Variants in MAPK13 observed in about 807,000 individuals in gnomAD.
The protein encoded by MAPK13 is MAP kinase 13.
A neutral mutation model predicts 53.5 loss-of-function variants in MAPK13; 39 were observed. The observed-to-expected ratio is 0.73, with a 90% CI of 0.56 to 0.95. The LOEUF is 0.95. Ranked by LOEUF, MAPK13 falls within the 40% of genes least tolerant of loss-of-function variation. The pLI, the probability that MAPK13 is intolerant of heterozygous loss-of-function variation, is 0.00. For missense variants in MAPK13, 460 were observed against 471.8 expected, an observed-to-expected ratio of 0.98 and a Z score of 0.23; for synonymous variants, 179 against 190.9, an observed-to-expected ratio of 0.94 and a Z score of 0.51.
chr6:36,136,706 C>A lies in MAPK13; in HGVS notation c.546C>A (p.Tyr182Ter). ...ATGCAGACGCCGAGATGACTGGCTA[C>A]GTGGTGACCCGCTGGTACCGAGCCC... ...ARHADAEMTG[Y>*]VVTRWYRAPE... Residue 182 changes from tyrosine to a stop codon, truncating the protein, a stop_gained, in exon 7 of 12, where the codon TAC becomes TAA. Coordinates refer to ENST00000211287, the MANE Select transcript of MAPK13 (RefSeq NM_002754.5). LOFTEE classifies it high-confidence loss of function. The A allele has an allele frequency of 6.2e-7, 1 of 1,614,008 alleles. No homozygotes were observed. Among genetic ancestry groups the A allele is most frequent in the South Asian group, 1.1e-5 (1 of 91,048 alleles).
chr6:36,134,795 C>T (rs1047004077), intron 3 of MAPK13, among the ~76,000 whole-genome samples: 5 of 152,188 alleles, frequency 3.3e-5, no homozygotes, highest in Non-Finnish European at 4.4e-5. Flanking sequence ...AGGCAGATCA[C>T]CTGAGGTCAG....
intron 8 of MAPK13, among the ~76,000 whole-genome samples, chr6:36,137,728 T>C (rs181289081): frequency 8.4e-4 from 126 of 149,754 alleles, no homozygotes; most frequent in African/African-American, 2.6e-3. Flanking sequence ...TGGGAGGCCA[T>C]GGCAGGCGGA....
Position 36,139,318 on chromosome 6 carries a change from A to G in MAPK13, c.1043A>G (p.Asn348Ser), listed in dbSNP as rs1412900333. The G allele has an allele frequency of 6.2e-7, 1 of 1,613,948 alleles. No homozygotes were observed. ...GAGCACATCTACAAGGAGATTGTGAACTTCAGCCCCATTGCCCGGAAGGAC... is the reference window on the plus strand; with the variant it reads ...GAGCACATCTACAAGGAGATTGTGAGCTTCAGCCCCATTGCCCGGAAGGAC... ...WKQHIYKEIVNFSPIARKDSR... is the reference protein window; with the variant it reads ...WKQHIYKEIVSFSPIARKDSR... The change falls in exon 12 of 12, where the codon AAC (asparagine) becomes AGC (serine). Residue 348 changes from asparagine to serine, a missense_variant. Physicochemically the swap from Asn to Ser is conservative, Grantham distance 46 (BLOSUM62 1). Coordinates refer to ENST00000211287, the MANE Select transcript of MAPK13 (RefSeq NM_002754.5).
At position 36,131,186 on chromosome 6, in the gene MAPK13, G is replaced by A. The variant is rs1766312364; in HGVS notation, c.120-85G>A. On this transcript the variant is annotated intron_variant, in intron 1 of 11. Coordinates refer to ENST00000211287, the MANE Select transcript of MAPK13 (RefSeq NM_002754.5). ...GTGGGCCTAGTCCCCTCTCAGCCCA[G>A]CTGCCCAGTGGGAGGGGTCAGGGCG... 2.0e-6 allele frequency: 3 copies of A among 1,496,108 alleles called. No homozygotes were observed. In the African/African-American group the frequency reaches 4.2e-5, roughly 21 times the overall value. 92.7% of individuals were successfully genotyped at this position (1,496,108 alleles called of 1,614,324 possible). A position where few individuals can be genotyped will look rare whatever the true frequency, so the allele number is the denominator to read the frequency against.
chr6:36,138,661 G>C lies in MAPK13; in HGVS notation c.763-41G>C. The C allele has an allele frequency of 1.9e-6, 3 of 1,585,290 alleles. No individual in the cohort carries two copies. The South Asian group carries it at 3.3e-5, about 18-fold the overall frequency. On this transcript the variant is annotated intron_variant, in intron 9 of 11. Transcript: ENST00000211287. ...CTGAAATCCCTGCTCTACACGCTGAGGCCAGAGCCCTAAGGGGTTTGATGC... is the reference window on the plus strand; with the variant it reads ...CTGAAATCCCTGCTCTACACGCTGACGCCAGAGCCCTAAGGGGTTTGATGC...
In MAPK13 at chr6:36,138,765, CG is replaced by C. The variant is rs1561791155; in HGVS notation, c.829del (p.Ala277ProfsTer15). 1.2e-6 allele frequency: 2 copies of C among 1,614,164 alleles called. No individual in the cohort carries two copies. The highest frequency in any genetic ancestry group is 3.3e-5 in the Admixed American group (2 of 60,034). On this transcript the variant is annotated frameshift_variant, in exon 10 of 12. Coordinates refer to ENST00000211287, the MANE Select transcript of MAPK13 (RefSeq NM_002754.5). LOFTEE classifies it high-confidence loss of function. ...GAAGGATTTCACTCAGCTGTTCCCA[CG>C]GGCCAGCCCCCAGGGTGAGTCTCAG... Reference protein sequence around the residue: ...PRKDFTQLFPRASPQAADLLE... With the variant: ...PRKDFTQLFPXASPQAADLLE...
rs1183258202 is a variant in MAPK13, at chr6:36,132,678, T to C, written c.307T>C (p.Phe103Leu). The change falls in exon 3 of 12, where the codon TTC becomes CTC. Residue 103 changes from phenylalanine to leucine, a missense_variant and splice_region_variant. Physicochemically the swap from Phe to Leu is conservative, Grantham distance 22. Transcript: ENST00000211287. ...CTCCTCCCTGCGCAACTTCTATGAC[T>C]TGTGAGTTGGGCTGCACTGGGTTCT... is the stretch of plus-strand genomic sequence containing the variant. ...PASSLRNFYDFYLVMPFMQTD... is the reference protein window; with the variant it reads ...PASSLRNFYDLYLVMPFMQTD... 1.2e-6 allele frequency: 2 copies of C among 1,614,216 alleles called. No homozygotes were observed. Among genetic ancestry groups the C allele is most frequent in the Non-Finnish European group, 8.5e-7 (1 of 1,180,016 alleles).
In MAPK13 at chr6:36,135,869, G is replaced by A; in HGVS notation, c.417+8G>A. The stretch of plus-strand genomic sequence containing the variant: ...ATGCTCAAAGGCCTTAAGGTGGGTG[G>A]GGACTTGGAGGCTGGCAGAGGGGAC... On this transcript the variant is annotated splice_region_variant and intron_variant, in intron 4 of 11. Transcript: ENST00000211287. 2 of 1,609,190 alleles carry A rather than the reference G, an allele frequency of 1.2e-6. No individual in the cohort carries two copies. Among genetic ancestry groups the A allele is most frequent in the Non-Finnish European group, 1.7e-6 (2 of 1,175,716 alleles).
chr6:36,138,938 C>G lies in MAPK13; in HGVS notation c.901C>G (p.Gln301Glu). The change falls in exon 11 of 12, where the codon CAG becomes GAG. Residue 301 changes from glutamine to glutamate, a missense_variant. By Grantham distance (29) the Gln-to-Glu change is conservative (BLOSUM62 2). Coordinates refer to ENST00000211287, the MANE Select transcript of MAPK13 (RefSeq NM_002754.5). ...LDVDKRLTAA[Q>E]ALTHPFFEPF... ...CGTGGACAAGCGCCTGACGGCCGCG[C>G]AGGCCCTCACCCATCCCTTCTTTGA... The G allele has an allele frequency of 6.2e-7, 1 of 1,613,142 alleles. No individual in the cohort carries two copies. Among genetic ancestry groups the G allele is most frequent in the East Asian group, 2.2e-5 (1 of 44,864 alleles).
intron 3 of MAPK13, among the ~76,000 whole-genome samples, chr6:36,132,937 T>C (rs934205611): frequency 1.3e-5 from 2 of 152,212 alleles, no homozygotes; most frequent in Non-Finnish European, 2.9e-5. Flanking sequence ...CTTTGCTTTT[T>C]ACCCAGCTTT....
chr6:36,131,150 T>C (rs1581878137), intron 1 of MAPK13, 121 bp from the exon 2 acceptor site: 2 of 1,165,806 alleles, frequency 1.7e-6, no homozygotes, highest in Non-Finnish European at 2.3e-6. Context: ...GGCTCCCCCA[T>C]ATTCTAGGTG....
In MAPK13 at chr6:36,140,950, G is replaced by A. The variant is rs1251225017; in HGVS notation, c.*1577G>A. The A allele has an allele frequency of 6.6e-6, 1 of 152,130 alleles. No homozygotes were observed. Among genetic ancestry groups the A allele is most frequent in the Non-Finnish European group, 1.5e-5 (1 of 68,038 alleles). The allele number at this position is 152,130 out of a possible 1,614,324, so 9.4% of individuals were successfully genotyped here. On this transcript the variant is annotated 3_prime_UTR_variant, in exon 12 of 12. Transcript: ENST00000211287. ...GCCACCCAGGTGCACCAGGACTGCA[G>A]GTGGCTAATTAAAACATTTTTTTTC... is the stretch of plus-strand genomic sequence containing the variant.
chr6:36,130,922 CTG>C lies in MAPK13; in HGVS notation c.119+223_119+224del, dbSNP rs1163439789. ...TGGGACTGGGCCTGGTTCTCCAGGA[CTG>C]TACACTTGCAAGACCCCAGAGTTCA... On this transcript the variant is annotated intron_variant, in intron 1 of 11. Transcript: ENST00000211287. This position sits in a 1 kb window ranked among gnomAD's most constrained non-coding sequence, Gnocchi z 4.5. 5 of 520,928 alleles carry C rather than the reference CTG, an allele frequency of 9.6e-6. No homozygotes were observed. Among genetic ancestry groups the C allele is most frequent in the South Asian group, 7.6e-5 (3 of 39,476 alleles). The allele number at this position is 520,928 out of a possible 1,614,324, so 32.3% of individuals were successfully genotyped here.
intron 3 of MAPK13, among the ~76,000 whole-genome samples, 182 bp downstream of exon 3, chr6:36,132,861 CAGGCAGGAAG>C (rs1447976391): frequency 2.0e-5 from 3 of 152,154 alleles, no homozygotes; most frequent in Non-Finnish European, 2.9e-5. Flanking sequence ...TAGCCAAAGG[CAGGCAGGAAG>C]AGGCAGGAAG....
rs184315300 is a variant in MAPK13 at position 36,131,612 on chromosome 6, A to T, written c.249+212A>T. Among the ~76,000 whole-genome samples the T allele has an allele frequency of 5.6e-4, 86 of 152,302 alleles. 1 individual carries two copies. The highest frequency in any genetic ancestry group is 7.2e-4 in the Non-Finnish European group (49 of 68,020). Reference sequence around the variant, plus strand: ...TCAAAGGGTATTTTTGGCAGAATGCACTTTGTGAGGTACAGACTGTGTTAT... The same window carrying T: ...TCAAAGGGTATTTTTGGCAGAATGCTCTTTGTGAGGTACAGACTGTGTTAT... On this transcript the variant is annotated intron_variant, in intron 2 of 11. Coordinates refer to ENST00000211287, the MANE Select transcript of MAPK13 (RefSeq NM_002754.5).
At chr6:36,138,131 A>G (rs1033018180) in intron 8 of MAPK13, among the ~76,000 whole-genome samples, 16 of 152,136 alleles carry the variant, frequency 1.1e-4, no homozygotes, top group Admixed American at 9.2e-4. Flanking sequence ...AAGGCTGAGA[A>G]GTCCACATCC....
At chr6:36,134,736 G>A (rs1023868008) in intron 3 of MAPK13, among the ~76,000 whole-genome samples, 37 of 151,816 alleles carry the variant, frequency 2.4e-4, no homozygotes, top group Non-Finnish European at 4.7e-4. Flanking sequence ...GGTCCAGGCC[G>A]GGCATGGTGG....
Position 36,131,251 on chromosome 6 carries a change from G to T in MAPK13, c.120-20G>T. 6.2e-7 allele frequency: 1 copy of T among 1,607,404 alleles called. No individual in the cohort carries two copies. The highest frequency in any genetic ancestry group is 8.5e-7 in the Non-Finnish European group (1 of 1,175,904). ...GCCCAGGAGGAGAGCCTCGCCTGCT[G>T]ACCGGCCTGTGCCCGACAGCTCGGC... On this transcript the variant is annotated intron_variant, in intron 1 of 11. Transcript: ENST00000211287.
rs2127488265 is a variant in MAPK13, at chr6:36,142,259, C to T, written c.*2886C>T. ...AGAACTTCCCAGATGTACTTAACCG[C>T]AGGACCCATTTTCTCCCAACAGCAT... On this transcript the variant is annotated 3_prime_UTR_variant, in exon 12 of 12. Coordinates refer to ENST00000211287, the MANE Select transcript of MAPK13 (RefSeq NM_002754.5). This position sits in a 1 kb window ranked among gnomAD's most constrained non-coding sequence, Gnocchi z 4.4. 1 of 152,542 alleles carries T rather than the reference C, an allele frequency of 6.6e-6. No individual in the cohort carries two copies. The highest frequency in any genetic ancestry group is 1.5e-5 in the Non-Finnish European group (1 of 68,180). 9.4% of individuals were successfully genotyped at this position (152,542 alleles called of 1,614,324 possible). A position where few individuals can be genotyped will look rare whatever the true frequency, so the allele number is the denominator to read the frequency against.
Sources: gnomAD v4.1 joint callset for allele counts (sites outside exome capture counted in the v4.1 genomes callset) on GRCh38, gnomAD v4.1.1 for gene constraint, Gnocchi (gnomAD v3.1) non-coding constraint, MANE v1.5 for transcripts, NCBI Gene and HGNC (gene_info 2026-07-23, HGNC 2026-07-21) for gene names.